UBAP2: variants seen among roughly 807,000 people sequenced by gnomAD.
The protein encoded by UBAP2 is ubiquitin-associated protein 2.
UBAP2 carries 75 observed loss-of-function variants against 139.6 expected under a neutral mutation model. That is an observed-to-expected ratio of 0.54 (90% confidence interval 0.45 to 0.65). The LOEUF (loss-of-function observed/expected upper bound fraction) is 0.65. Ranked by LOEUF, UBAP2 falls within the 30% of genes least tolerant of loss-of-function variation. The pLI is 0.00. For synonymous variants in UBAP2, 526 were observed against 526.2 expected, an observed-to-expected ratio of 1.00 and a Z score of 0.01; for missense variants, 1,368 against 1,369.6, an observed-to-expected ratio of 1.00 and a Z score of 0.02.
At chr9:33,960,919 TCAAATACAGTCTCAGTC>T in intron 9 of UBAP2, 41 bp from the exon 10 acceptor site, 1 of 1,585,340 alleles carries the variant, frequency 6.3e-7, no homozygotes, top group Non-Finnish European at 8.7e-7. Flanking sequence ...TACCACAAAG[TCAAATACAGTCTCAGTC>T]CAAATGATTC....
chr9:33,980,985 G>GA (rs1280760119), intron 6 of UBAP2, among the ~76,000 whole-genome samples: 1 of 145,502 alleles, frequency 6.9e-6, no homozygotes, highest in Non-Finnish European at 1.5e-5. Flanking sequence ...TAAAAACGGT[G>GA]AGCCACACGA....
chr9:33,998,596 G>A (rs1188307896), intron 3 of UBAP2, 191 bp downstream of exon 3: 7 of 526,360 alleles, frequency 1.3e-5, no homozygotes, highest in South Asian at 5.1e-5. Flanking sequence ...GCAGGTGAAC[G>A]TATTCAATTC....
chr9:33,974,690 G>A (rs1289095107), intron 6 of UBAP2, among the ~76,000 whole-genome samples: 1 of 152,200 alleles, frequency 6.6e-6, no homozygotes, highest in East Asian at 1.9e-4. Flanking sequence ...GGTGGCTCAT[G>A]CCTGTAATCC....
At chr9:34,027,373 C>T (rs1373937396) in intron 1 of UBAP2, among the ~76,000 whole-genome samples, 1 of 151,366 alleles carries the variant, frequency 6.6e-6, no homozygotes, top group South Asian at 2.1e-4. Flanking sequence ...CCCAGCAAAT[C>T]GGGAGGCTGA....
intron 6 of UBAP2, among the ~76,000 whole-genome samples, chr9:33,979,781 T>G (rs1411345529): frequency 6.6e-6 from 1 of 151,876 alleles, no homozygotes; most frequent in African/African-American, 2.4e-5. Flanking sequence ...GGCAGGAGAA[T>G]TGCTTGAACC....
At chr9:33,981,491 G>C (rs1158703997) in intron 6 of UBAP2, among the ~76,000 whole-genome samples, 1 of 149,252 alleles carries the variant, frequency 6.7e-6, no homozygotes, top group Non-Finnish European at 1.5e-5. Flanking sequence ...GAGTTTCTGG[G>C]ACTACAGATG....
chr9:34,016,224 GGAGGAA>G (rs1824257655), intron 2 of UBAP2, among the ~76,000 whole-genome samples: 1 of 109,742 alleles, frequency 9.1e-6, no homozygotes, highest in Non-Finnish European at 2.0e-5. Context: ...AGGAAGAGGA[GGAGGAA>G]GAGGAAGGGG....
At chr9:33,946,611 T>C (rs1413766390) in intron 13 of UBAP2, among the ~76,000 whole-genome samples, 3 of 152,180 alleles carry the variant, frequency 2.0e-5, no homozygotes, top group Non-Finnish European at 2.9e-5. Flanking sequence ...CCCAGGCTGG[T>C]CTCGAACTCC....
intron 1 of UBAP2, among the ~76,000 whole-genome samples, chr9:34,047,401 G>A (rs570345106): frequency 3.9e-5 from 6 of 152,288 alleles, no homozygotes; most frequent in Admixed American, 3.3e-4. Flanking sequence ...ATCATCTCCA[G>A]GGAGTGGAAT....
chr9:33,958,870 C>T lies in UBAP2; in HGVS notation c.798+1956G>A, dbSNP rs544489559. Among the ~76,000 whole-genome samples the T allele has an allele frequency of 3.3e-5, 5 of 151,798 alleles. No homozygotes were observed. In the South Asian group the frequency reaches 1.0e-3, roughly 32 times the overall value. On this transcript the variant is annotated intron_variant, in intron 10 of 28. Transcript: ENST00000379238. ...CTAGTCTCTAAAATTAAAAAAAGGC[C>T]GGGCGCAGTGGCTCATGCCTGTAAT...
Position 33,926,602 on chromosome 9 carries a change from C to G in UBAP2, c.2511+15G>C. The G allele has an allele frequency of 6.2e-7, 1 of 1,614,152 alleles. No homozygotes were observed. The highest frequency in any genetic ancestry group is 8.5e-7 in the Non-Finnish European group (1 of 1,179,988). On this transcript the variant is annotated intron_variant, in intron 22 of 28. Coordinates refer to ENST00000379238, the MANE Select transcript of UBAP2 (RefSeq NM_001370062.2). ...TTCTGAACCCTCTGCTCCGACCAGT[C>G]CATACCCCACTCACCACTGGCAGCC...
At chr9:33,932,891 G>A (rs1053844787) in intron 18 of UBAP2, among the ~76,000 whole-genome samples, 1 of 152,192 alleles carries the variant, frequency 6.6e-6, no homozygotes, top group African/African-American at 2.4e-5. Context: ...GAAAAGTGAA[G>A]ACAGAGTTGC....
rs1823504578 is a variant in UBAP2 at position 33,927,083 on chromosome 9, G to A, written c.2372-3C>T. On this transcript the variant is annotated splice_polypyrimidine_tract_variant and splice_region_variant and intron_variant, in intron 20 of 28. Transcript: ENST00000379238. ...AGGTAAGTTTGGGGGTGCTTTGCCT[G>A]TATAGAGGGAAAAATCAAATGGAGT... 2 of 1,606,258 alleles carry A rather than the reference G, an allele frequency of 1.2e-6. No homozygotes were observed. The highest frequency in any genetic ancestry group is 1.7e-4 in the Middle Eastern group (1 of 6,008).
chr9:33,994,459 AT>A (rs1454738387), intron 4 of UBAP2: 2 of 79,284 alleles, frequency 2.5e-5, no homozygotes, highest in Non-Finnish European at 5.1e-5. Context: ...ATTCCCAAAG[AT>A]TTTTTCTTTT....
Position 33,944,604 on chromosome 9 carries a change from T to C in UBAP2, c.1306A>G (p.Ser436Gly). 6.2e-7 allele frequency: 1 copy of C among 1,614,116 alleles called. No homozygotes were observed. Among genetic ancestry groups the C allele is most frequent in the Non-Finnish European group, 8.5e-7 (1 of 1,180,008 alleles). ...KSQPEPSPVL[S>G]QLSQRQQHQS... is the part of the protein sequence containing the mutation. The stretch of plus-strand genomic sequence containing the variant: ...TGCTGTTGTCGCTGGCTCAACTGGC[T>C]AAGAACTGGGGATGGCTCAGGTTGA... Residue 436 changes from serine to glycine, a missense_variant, in exon 14 of 29, where the codon AGC (serine) becomes GGC (glycine). Physicochemically the swap from Ser to Gly is moderately conservative, Grantham distance 56. Coordinates refer to ENST00000379238, the MANE Select transcript of UBAP2 (RefSeq NM_001370062.2).
chr9:33,954,267 T>TACACACAC (rs368965909), intron 11 of UBAP2, among the ~76,000 whole-genome samples: 7,501 of 101,558 alleles, frequency 0.074, 265 homozygotes, highest in East Asian at 0.17. Flanking sequence ...AGTGTGTGTA[T>TACACACAC]ATACACACAC....
intron 1 of UBAP2, among the ~76,000 whole-genome samples, chr9:34,032,916 CAAAAAA>C (rs71506153): frequency 2.5e-5 from 3 of 118,074 alleles, no homozygotes; most frequent in East Asian, 2.4e-4. Context: ...ACCCTGTCTT[CAAAAAA>C]AAAAAAAAAA....
At position 33,926,515 on chromosome 9, in the gene UBAP2, G is replaced by C. The variant is rs1823441602; in HGVS notation, c.2511+102C>G. 7 of 1,335,360 alleles carry C rather than the reference G, an allele frequency of 5.2e-6. No homozygotes were observed. In the African/African-American group the frequency reaches 8.6e-5, roughly 16 times the overall value. The allele number at this position is 1,335,360 out of a possible 1,614,324, so 82.7% of individuals were successfully genotyped here. On this transcript the variant is annotated intron_variant, in intron 22 of 28. Coordinates refer to ENST00000379238, the MANE Select transcript of UBAP2 (RefSeq NM_001370062.2). ...GTGGTGCTGAGAGGTTCCTCAGGCA[G>C]AGGATCCTAAGGGCCAGAGAGTGTG...
chr9:34,036,921 AT>A (rs1326131886), intron 1 of UBAP2, among the ~76,000 whole-genome samples: 9 of 149,018 alleles, frequency 6.0e-5, no homozygotes, highest in African/African-American at 7.4e-5. Context: ...GGTTCCAGCA[AT>A]TCTCCCGCCT....
Sources: gnomAD v4.1 joint callset for allele counts (sites outside exome capture counted in the v4.1 genomes callset) on GRCh38, gnomAD v4.1.1 for gene constraint, MANE v1.5 for transcripts, NCBI Gene and HGNC (gene_info 2026-07-23, HGNC 2026-07-21) for gene names.